Variants in ZFP36L2 observed in about 807,000 individuals in gnomAD.
ZFP36L2 encodes ZFP36 like 2 zinc finger CCCH-type, also known as mRNA decay activator protein ZFP36L2.
Under a neutral mutation model 27.9 loss-of-function variants are expected in ZFP36L2, and 16 were observed. The observed-to-expected ratio is 0.57, with a 90% CI of 0.39 to 0.87. The LOEUF is 0.87. Among genes scored for constraint, ZFP36L2 ranks in the 40% least tolerant of loss-of-function variants. The pLI is 0.00. For synonymous variants in ZFP36L2, 600 were observed against 363.8 expected, an observed-to-expected ratio of 1.65 and a Z score of -7.39; for missense variants, 989 against 726.9, an observed-to-expected ratio of 1.36 and a Z score of -4.15.
rs755561776 is a variant in ZFP36L2 at position 43,222,502 on chromosome 2, A to ATT, written c.*1815_*1816dup. ...GTAGTGAGCTGATTCCCCAAAATAT[A>ATT]TTACAACTCAAGTTGACTTATCTTG... On this transcript the variant is annotated 3_prime_UTR_variant, in exon 2 of 2. Coordinates refer to ENST00000282388, the MANE Select transcript of ZFP36L2 (RefSeq NM_006887.5). 32 of 152,382 alleles carry ATT rather than the reference A, an allele frequency of 2.1e-4. No individual in the cohort carries two copies. Among genetic ancestry groups the ATT allele is most frequent in the Admixed American group, 1.4e-3 (21 of 15,284 alleles). The allele number at this position is 152,382 out of a possible 1,614,324, so 9.4% of individuals were successfully genotyped here.
Position 43,225,443 on chromosome 2 carries a change from C to A in ZFP36L2, c.361G>T (p.Asp121Tyr). ...TCGCCGTTCTCGCTAAACGAGCGGT[C>A]CCGGAATTTGTTCTCCTTGTTGAGC... ...ALLNKENKFR[D>Y]RSFSENGDRS... The change falls in exon 2 of 2, where the codon GAC (aspartate) becomes TAC (tyrosine). Residue 121 changes from aspartate to tyrosine, a missense_variant. Transcript: ENST00000282388. The A allele has an allele frequency of 6.2e-7, 1 of 1,611,816 alleles. No homozygotes were observed. The highest frequency in any genetic ancestry group is 8.5e-7 in the Non-Finnish European group (1 of 1,179,038).
rs1407059963 is a variant in ZFP36L2, at chr2:43,226,584, C to G, written c.-269G>C. On this transcript the variant is annotated 5_prime_UTR_variant, in exon 1 of 2. Transcript: ENST00000282388. ...CCCGCCCCCCCCGCGGAGCCGACGG[C>G]AGCTCGCGGACTGCTGGAACTCGGC... 1 of 484,864 alleles carries G rather than the reference C, an allele frequency of 2.1e-6. No individual in the cohort carries two copies. Among genetic ancestry groups the G allele is most frequent in the Non-Finnish European group, 3.6e-6 (1 of 276,322 alleles). 30.0% of individuals were successfully genotyped at this position (484,864 alleles called of 1,614,324 possible).
In ZFP36L2 at chr2:43,226,342, C is replaced by A; in HGVS notation, c.-27G>T. 1 of 1,564,696 alleles carries A rather than the reference C, an allele frequency of 6.4e-7. No individual in the cohort carries two copies. The highest frequency in any genetic ancestry group is 1.9e-5 in the Admixed American group (1 of 53,240). Reference sequence around the variant, plus strand: ...TTTCTGGATCCCGCAGTGGCCGGAGCGGCAGGCCGGGAGGTCGGGAGGAGC... The same window carrying A: ...TTTCTGGATCCCGCAGTGGCCGGAGAGGCAGGCCGGGAGGTCGGGAGGAGC... On this transcript the variant is annotated 5_prime_UTR_variant, in exon 1 of 2. Transcript: ENST00000282388.
intron 1 of ZFP36L2, 142 bp downstream of exon 1, chr2:43,226,123 C>G: frequency 8.3e-7 from 1 of 1,203,114 alleles, no homozygotes; most frequent in South Asian, 1.4e-5. Context: ...GCCTCCAGGG[C>G]GCTCGGACAC....
In ZFP36L2 at chr2:43,224,762, C is replaced by A. The variant is rs767859947; in HGVS notation, c.1042G>T (p.Ala348Ser). The change falls in exon 2 of 2, where the codon GCC (alanine) becomes TCC (serine). Residue 348 changes from alanine to serine, a missense_variant. Physicochemically the swap from Ala to Ser is moderately conservative, Grantham distance 99. Transcript: ENST00000282388. The part of the protein sequence containing the change: ...GGAEDLLAPG[A>S]PCAACSSASC... ...GCCGACGAGCAGGCCGCGCACGGGG[C>A]CCCCGGCGCCAGCAGGTCCTCGGCG... The A allele has an allele frequency of 3.4e-6, 5 of 1,486,044 alleles. No homozygotes were observed. The highest frequency in any genetic ancestry group is 2.5e-5 in the South Asian group (2 of 78,480). 92.1% of individuals were successfully genotyped at this position (1,486,044 alleles called of 1,614,324 possible).
At position 43,225,088 on chromosome 2, in the gene ZFP36L2, C is replaced by A; in HGVS notation, c.716G>T (p.Arg239Leu). ...CGGGAAGCCCAGGTGCAACGCATCG[C>A]GCGTGCCAAAGGCACGCAGGTCCCC... Reference protein sequence around the residue: ...ASGDLRAFGTRDALHLGFPRE... With the variant: ...ASGDLRAFGTLDALHLGFPRE... Residue 239 changes from arginine (R) to leucine (L), a missense_variant, in exon 2 of 2, where the codon CGC becomes CTC. Transcript: ENST00000282388. 15 of 1,593,936 alleles carry A rather than the reference C, an allele frequency of 9.4e-6. No homozygotes were observed. Among genetic ancestry groups the A allele is most frequent in the Non-Finnish European group, 1.3e-5 (15 of 1,177,412 alleles).
rs779751998 is a variant in ZFP36L2, at chr2:43,225,136, G to T, written c.668C>A (p.Pro223His). The T allele has an allele frequency of 6.3e-7, 1 of 1,586,272 alleles. No homozygotes were observed. The highest frequency in any genetic ancestry group is 1.7e-5 in the Admixed American group (1 of 58,162). The change falls in exon 2 of 2, where the codon CCC (proline) becomes CAC (histidine). Residue 223 changes from proline to histidine, a missense_variant. Transcript: ENST00000282388. ...CCCGGAGGCGCCCCCCGACGGCGCG[G>T]GCCGCCGCTCGTCCGCGTTGTGGAT... is the stretch of plus-strand genomic sequence containing the variant. ...HFIHNADERRPAPSGGASGDL... is the reference protein window; with the variant it reads ...HFIHNADERRHAPSGGASGDL...
At position 43,224,042 on chromosome 2, in the gene ZFP36L2, A is replaced by AT; in HGVS notation, c.*276dup. On this transcript the variant is annotated 3_prime_UTR_variant, in exon 2 of 2. Coordinates refer to ENST00000282388, the MANE Select transcript of ZFP36L2 (RefSeq NM_006887.5). The stretch of plus-strand genomic sequence containing the variant: ...GTATCACAACTGCCCTGTTGTGAAT[A>AT]TTTTGTTCAACAGAAAAAGTTCGAC... The AT allele has an allele frequency of 3.1e-6, 1 of 319,560 alleles. No individual in the cohort carries two copies. The highest frequency in any genetic ancestry group is 5.5e-6 in the Non-Finnish European group (1 of 180,758). The allele number at this position is 319,560 out of a possible 1,614,324, so 19.8% of individuals were successfully genotyped here.
At position 43,224,568 on chromosome 2, in the gene ZFP36L2, CGGCGCCGGCGGCTGCGCGGGG is replaced by C. The variant is rs1667039648; in HGVS notation, c.1215_1235del (p.Ala407_Pro413del). 2 of 1,330,744 alleles carry C rather than the reference CGGCGCCGGCGGCTGCGCGGGG, an allele frequency of 1.5e-6. No individual in the cohort carries two copies. Among genetic ancestry groups the C allele is most frequent in the Admixed American group, 3.9e-5 (1 of 25,584 alleles). The allele number at this position is 1,330,744 out of a possible 1,614,324, so 82.4% of individuals were successfully genotyped here. ...CCCCGGCGGGGAGGGTCGCGCTGGG[CGGCGCCGGCGGCTGCGCGGGG>C]GGCGCCAGGCCCTGCTGCTGCTGCT... On this transcript the variant is annotated inframe_deletion, in exon 2 of 2. Coordinates refer to ENST00000282388, the MANE Select transcript of ZFP36L2 (RefSeq NM_006887.5).
rs558918021 is a variant in ZFP36L2, at chr2:43,222,454, T to A, written c.*1865A>T. On this transcript the variant is annotated 3_prime_UTR_variant, in exon 2 of 2. Coordinates refer to ENST00000282388, the MANE Select transcript of ZFP36L2 (RefSeq NM_006887.5). Reference sequence around the variant, plus strand: ...GGGGAAAACTACAAAACATTTACAGTACAATGTTTACAGTCACAATTTGTA... The same window carrying A: ...GGGGAAAACTACAAAACATTTACAGAACAATGTTTACAGTCACAATTTGTA... The A allele has an allele frequency of 6.6e-6, 1 of 152,504 alleles. No homozygotes were observed. The highest frequency in any genetic ancestry group is 2.4e-5 in the African/African-American group (1 of 41,586). The allele number at this position is 152,504 out of a possible 1,614,324, so 9.4% of individuals were successfully genotyped here.
Position 43,224,987 on chromosome 2 carries a change from C to A in ZFP36L2, c.817G>T (p.Gly273Cys). ...FPSGHHQPPG[G>C]LESPLLLDSP... Reference sequence around the variant, plus strand: ...TCGAGCAGCAGCGGCGACTCGAGGCCGCCCGGGGGCTGATGGTGGCCCGAC... The same window carrying A: ...TCGAGCAGCAGCGGCGACTCGAGGCAGCCCGGGGGCTGATGGTGGCCCGAC... The change falls in exon 2 of 2, where the codon GGC becomes TGC. Residue 273 changes from glycine (G) to cysteine (C), a missense_variant. Transcript: ENST00000282388. 6.3e-7 allele frequency: 1 copy of A among 1,583,614 alleles called. No individual in the cohort carries two copies. Among genetic ancestry groups the A allele is most frequent in the Non-Finnish European group, 8.5e-7 (1 of 1,175,312 alleles).
chr2:43,225,489 C>T lies in ZFP36L2; in HGVS notation c.315G>A (p.Ser105=), dbSNP rs372622925. The change falls in exon 2 of 2, where the codon TCG becomes TCA. Residue 105 remains serine (S), a synonymous_variant. Transcript: ENST00000282388. ...PTSYGTLKEP[S]GGGGTALLNK... ...TGAGCAGGGCTGTGCCGCCGCCCCC[C>T]GACGGCTCCTTAAGGGTGCCGTAGG... 7 of 1,610,110 alleles carry T rather than the reference C, an allele frequency of 4.3e-6. No individual in the cohort carries two copies. Among genetic ancestry groups the T allele is most frequent in the South Asian group, 2.2e-5 (2 of 90,866 alleles).
chr2:43,225,423 G>T lies in ZFP36L2; in HGVS notation c.381C>A (p.Asn127Lys). 2 of 1,612,798 alleles carry T rather than the reference G, an allele frequency of 1.2e-6. 1 individual carries two copies. Among genetic ancestry groups the T allele is most frequent in the Admixed American group, 3.3e-5 (2 of 59,928 alleles). The change falls in exon 2 of 2, where the codon AAC becomes AAA. Residue 127 changes from asparagine to lysine, a missense_variant. Asn to Lys is a moderately conservative substitution (Grantham distance 94). Transcript: ENST00000282388. ...NKFRDRSFSENGDRSQHLLHL... is the reference protein window; with the variant it reads ...NKFRDRSFSEKGDRSQHLLHL... Reference sequence around the variant, plus strand: ...GCAGGAGGTGCTGGCTGCGATCGCCGTTCTCGCTAAACGAGCGGTCCCGGA... The same window carrying T: ...GCAGGAGGTGCTGGCTGCGATCGCCTTTCTCGCTAAACGAGCGGTCCCGGA...
rs377079504 is a variant in ZFP36L2, at chr2:43,226,366, G to C, written c.-51C>G. ...GCGGCAGGCCGGGAGGTCGGGAGGA[G>C]CCCTTGGGGCGGCGTGGCCGGGCTT... On this transcript the variant is annotated 5_prime_UTR_variant, in exon 1 of 2. Transcript: ENST00000282388. 38 of 1,553,534 alleles carry C rather than the reference G, an allele frequency of 2.4e-5. No individual in the cohort carries two copies. The African/African-American group carries it at 4.2e-4, about 17-fold the overall frequency.
Position 43,224,903 on chromosome 2 carries a change from A to G in ZFP36L2, c.901T>C (p.Ser301Pro). Reference sequence around the variant, plus strand: ...GCCGAGGAACAGGAGGAGGCGGAGGAGGAGCAGGACGAGGCCGAAGAGCAG... The same window carrying G: ...GCCGAGGAACAGGAGGAGGCGGAGGGGGAGCAGGACGAGGCCGAAGAGCAG... ...PSCSSASSCSSSASSCSSASA... is the reference protein window; with the variant it reads ...PSCSSASSCSPSASSCSSASA... Residue 301 changes from serine (S) to proline (P), a missense_variant, in exon 2 of 2, where the codon TCC becomes CCC. Physicochemically the swap from Ser to Pro is moderately conservative, Grantham distance 74. Transcript: ENST00000282388. The G allele has an allele frequency of 6.5e-7, 1 of 1,542,414 alleles. No individual in the cohort carries two copies. The highest frequency in any genetic ancestry group is 2.0e-5 in the Admixed American group (1 of 49,284).
At position 43,226,482 on chromosome 2, in the gene ZFP36L2, G is replaced by T. The variant is rs979357194; in HGVS notation, c.-167C>A. 4 of 838,748 alleles carry T rather than the reference G, an allele frequency of 4.8e-6. No individual in the cohort carries two copies. Among genetic ancestry groups the T allele is most frequent in the African/African-American group, 3.6e-5 (2 of 55,830 alleles). 52.0% of individuals were successfully genotyped at this position (838,748 alleles called of 1,614,324 possible). ...AGGGCGAGTGCAGCGGCGCGGGCCG[G>T]CGGGAGGGTCCGGCGGAGTGCGGCA... On this transcript the variant is annotated 5_prime_UTR_variant, in exon 1 of 2. Coordinates refer to ENST00000282388, the MANE Select transcript of ZFP36L2 (RefSeq NM_006887.5).
At position 43,225,525 on chromosome 2, in the gene ZFP36L2, G is replaced by A. The variant is rs369626026; in HGVS notation, c.279C>T (p.Gly93=). The A allele has an allele frequency of 3.1e-3, 4,886 of 1,585,756 alleles. 12 individuals carry two copies. Among genetic ancestry groups the A allele is most frequent in the Non-Finnish European group, 3.7e-3 (4,364 of 1,169,858 alleles). ...NGSSCGSAAA[G]GPTSYGTLKE... ...TAAGGGTGCCGTAGGAGGTCGGACCGCCGGCCGCCGCGCTGCCGCAGCTGC... is the reference window on the plus strand; with the variant it reads ...TAAGGGTGCCGTAGGAGGTCGGACCACCGGCCGCCGCGCTGCCGCAGCTGC... Residue 93 remains glycine (G), a synonymous_variant, in exon 2 of 2, where the codon GGC becomes GGT. Coordinates refer to ENST00000282388, the MANE Select transcript of ZFP36L2 (RefSeq NM_006887.5).
In ZFP36L2 at chr2:43,223,075, T is replaced by C. The variant is rs1667002439; in HGVS notation, c.*1244A>G. 6.6e-6 allele frequency: 1 copy of C among 152,352 alleles called. No homozygotes were observed. The highest frequency in any genetic ancestry group is 6.5e-5 in the Admixed American group (1 of 15,278). 9.4% of individuals were successfully genotyped at this position (152,352 alleles called of 1,614,324 possible). ...GCAAAGTATGTGGTCATTTTTTTCT[T>C]TGAAGTTGGATGGGCTACAACCTTT... On this transcript the variant is annotated 3_prime_UTR_variant, in exon 2 of 2. Coordinates refer to ENST00000282388, the MANE Select transcript of ZFP36L2 (RefSeq NM_006887.5).
rs1156978713 is a variant in ZFP36L2 at position 43,225,676 on chromosome 2, G to C, written c.128C>G (p.Ala43Gly). Residue 43 changes from alanine to glycine, a missense_variant, in exon 2 of 2, where the codon GCC (alanine) becomes GGC (glycine). Transcript: ENST00000282388. The part of the protein sequence containing the change: ...KKAVGTPVAA[A>G]PSSGFAPGFL... Reference sequence around the variant, plus strand: ...TCCCGGCGCGAAGCCCGAGCTGGGGGCGGCGGCCACAGGCGTCCCCACCGC... The same window carrying C: ...TCCCGGCGCGAAGCCCGAGCTGGGGCCGGCGGCCACAGGCGTCCCCACCGC... 1 of 1,592,864 alleles carries C rather than the reference G, an allele frequency of 6.3e-7. No homozygotes were observed. The highest frequency in any genetic ancestry group is 1.7e-5 in the Admixed American group (1 of 59,432).
Sources: allele counts gnomAD v4.1 joint callset, GRCh38; gene constraint gnomAD v4.1.1; transcripts MANE v1.5; gene names NCBI Gene and HGNC (gene_info 2026-07-23, HGNC 2026-07-21).